The following SYCP2 variants were observed in gnomAD, a reference collection of about 807,000 sequenced individuals.
The protein encoded by SYCP2 is synaptonemal complex protein 2.
Under a neutral mutation model 211.3 loss-of-function variants are expected in SYCP2, and 55 were observed. The ratio of observed to expected loss-of-function variants is 0.26; its 90% CI spans 0.21 to 0.33. The LOEUF (loss-of-function observed/expected upper bound fraction) is 0.33. Ranked by LOEUF, SYCP2 falls within the 10% of genes least tolerant of loss-of-function variation. The pLI, the probability that SYCP2 is intolerant of heterozygous loss-of-function variation, is 1.00. For missense variants in SYCP2, 1,731 were observed against 1,752.0 expected, an observed-to-expected ratio of 0.99 and a Z score of 0.21; for synonymous variants, 570 against 555.2, an observed-to-expected ratio of 1.03 and a Z score of -0.37.
intron 26 of SYCP2, 99 bp downstream of exon 26, chr20:59,885,829 T>C (rs1384381321): frequency 3.3e-6 from 3 of 903,360 alleles, no homozygotes; most frequent in Admixed American, 5.0e-5. Context: ...TCTGAAAACA[T>C]CGTATCAAAT....
intron 12 of SYCP2, among the ~76,000 whole-genome samples, chr20:59,913,124 G>A (rs1362045391): frequency 6.6e-6 from 1 of 152,106 alleles, no homozygotes; most frequent in African/African-American, 2.4e-5. Flanking sequence ...AAGAATACAA[G>A]TGAATAATTA....
At chr20:59,932,994 C>T (rs1389020269) in intron 1 of SYCP2, among the ~76,000 whole-genome samples, 1 of 151,284 alleles carries the variant, frequency 6.6e-6, no homozygotes, top group African/African-American at 2.5e-5. Flanking sequence ...ACCGCCGGCA[C>T]GGTGACCCTT....
Position 59,913,516 on chromosome 20 carries a change from G to A in SYCP2, c.830+459C>T, listed in dbSNP as rs553148156. On this transcript the variant is annotated intron_variant, in intron 12 of 44. Coordinates refer to ENST00000357552, the MANE Select transcript of SYCP2 (RefSeq NM_014258.4). ...ATTACACATCCTTTCATGCCCCTCA[G>A]AAAGATCCTACTTACTGTATGTTAA... 3.9e-5 allele frequency among the ~76,000 whole-genome samples: 6 copies of A among 152,172 alleles called. No homozygotes were observed. The East Asian group carries it at 1.2e-3, about 29-fold the overall frequency.
At chr20:59,868,355 A>G in intron 38 of SYCP2, 58 bp downstream of exon 38, 3 of 1,554,252 alleles carry the variant, frequency 1.9e-6, no homozygotes, top group Non-Finnish European at 2.6e-6. Flanking sequence ...ACTCATTCAA[A>G]ATATAAGAAC....
At chr20:59,901,323 T>C (rs1230147924) in intron 16 of SYCP2, among the ~76,000 whole-genome samples, 2 of 152,146 alleles carry the variant, frequency 1.3e-5, no homozygotes, top group Non-Finnish European at 2.9e-5. Flanking sequence ...ATGTTCCCTA[T>C]GCCATTATTT....
intron 20 of SYCP2, 135 bp downstream of exon 20, chr20:59,895,302 A>G: frequency 1.5e-6 from 1 of 667,896 alleles, no homozygotes; most frequent in Non-Finnish European, 2.4e-6. Context: ...TTCAAGGGCA[A>G]TAAATATTTA....
At chr20:59,883,067 G>C (rs1402118346) in intron 26 of SYCP2, among the ~76,000 whole-genome samples, 1 of 151,768 alleles carries the variant, frequency 6.6e-6, no homozygotes, top group Non-Finnish European at 1.5e-5. Flanking sequence ...GCATTCCTAG[G>C]GCTGGGCACA....
chr20:59,916,676 A>T (rs547064985), intron 7 of SYCP2, 105 bp from the exon 8 acceptor site: 1 of 742,098 alleles, frequency 1.3e-6, no homozygotes, highest in Non-Finnish European at 2.3e-6. Flanking sequence ...ATGGTAACTC[A>T]GGCCTATAAT....
In SYCP2 at chr20:59,927,291, T is replaced by C. The variant is rs1773223061; in HGVS notation, c.-47+4771A>G. ...TGCAACCTTAATGTTCCCTGAGATG[T>C]TCAAAACAGAAAATCTTTACATTCA... On this transcript the variant is annotated intron_variant, in intron 2 of 44. Transcript: ENST00000357552. Among the ~76,000 whole-genome samples, 3 of 152,268 alleles carry C rather than the reference T, an allele frequency of 2.0e-5. No individual in the cohort carries two copies. In the South Asian group the frequency reaches 6.2e-4, roughly 32 times the overall value.
intron 28 of SYCP2, 46 bp downstream of exon 28, chr20:59,881,899 A>G (rs2059691118): frequency 2.0e-6 from 3 of 1,473,996 alleles, no homozygotes; most frequent in East Asian, 2.3e-5. Flanking sequence ...GGTAAATGCA[A>G]TGTAACTTCT....
chr20:59,868,198 T>A (rs532144846), intron 38 of SYCP2, among the ~76,000 whole-genome samples: 1 of 151,898 alleles, frequency 6.6e-6, no homozygotes, highest in East Asian at 1.9e-4. Flanking sequence ...CTAAATGTGA[T>A]AGTAAGTGAC....
intron 7 of SYCP2, among the ~76,000 whole-genome samples, chr20:59,918,396 C>T (rs1166292977): frequency 6.6e-6 from 1 of 152,206 alleles, no homozygotes; most frequent in African/African-American, 2.4e-5. Context: ...AGCAACATCT[C>T]CATTTCCACA....
intron 37 of SYCP2, 26 bp downstream of exon 37, chr20:59,868,809 T>TA (rs748628801): frequency 6.4e-7 from 1 of 1,565,728 alleles, no homozygotes; most frequent in Non-Finnish European, 8.7e-7. Context: ...AATCATTTTT[T>TA]AAAAAGCAAG....
chr20:59,915,734 C>A, intron 8 of SYCP2, 184 bp from the exon 9 acceptor site: 1 of 432,318 alleles, frequency 2.3e-6, no homozygotes, highest in East Asian at 4.0e-5. Flanking sequence ...TGGTGGCTCA[C>A]TATAATACCA....
rs552390942 is a variant in SYCP2, at chr20:59,930,627, A to G, written c.-47+1435T>C. 1.2e-3 allele frequency among the ~76,000 whole-genome samples: 183 copies of G among 152,350 alleles called. 1 individual carries two copies. Among genetic ancestry groups the G allele is most frequent in the African/African-American group, 4.2e-3 (174 of 41,582 alleles). On this transcript the variant is annotated intron_variant, in intron 2 of 44. Transcript: ENST00000357552. ...AGTAGTAAGCAATCTATATTAATAT[A>G]TATGTAGATCTAGACATGAACTACG...
In SYCP2 at chr20:59,881,408, G is replaced by C. The variant is rs1166941771; in HGVS notation, c.2714+29C>G. ...ATATTTAAGAGAAAAAAAAAGATCA[G>C]AATATTTTAATCTAATAAAAATACC... On this transcript the variant is annotated intron_variant, in intron 29 of 44. Transcript: ENST00000357552. 9 of 1,226,790 alleles carry C rather than the reference G, an allele frequency of 7.3e-6. No individual in the cohort carries two copies. The East Asian group carries it at 2.1e-4, about 29-fold the overall frequency. 76.0% of individuals were successfully genotyped at this position (1,226,790 alleles called of 1,614,324 possible).
intron 15 of SYCP2, among the ~76,000 whole-genome samples, chr20:59,902,025 A>G (rs1855492568): frequency 6.6e-6 from 1 of 152,138 alleles, no homozygotes; most frequent in African/African-American, 2.4e-5. Flanking sequence ...TCTATAAAAT[A>G]CAGGATATGG....
Position 59,866,587 on chromosome 20 carries a change from G to A in SYCP2, c.4128C>T (p.Ile1376=). 1 of 1,585,708 alleles carries A rather than the reference G, an allele frequency of 6.3e-7. No individual in the cohort carries two copies. Among genetic ancestry groups the A allele is most frequent in the East Asian group, 2.3e-5 (1 of 44,192 alleles). ...TAAAATAACTCAACATTTTATGTCG[G>A]ATCTGAAAAATACTCATTTTTAAGT... ...LNSEFKRRNN[I]RHKMLSYFTT... The change falls in exon 40 of 45, where the codon ATC becomes ATT. Residue 1376 remains isoleucine (I), a splice_region_variant and synonymous_variant. Coordinates refer to ENST00000357552, the MANE Select transcript of SYCP2 (RefSeq NM_014258.4).
chr20:59,881,562 TA>T, intron 28 of SYCP2, 70 bp from the exon 29 acceptor site: 1 of 757,670 alleles, frequency 1.3e-6, no homozygotes, highest in Non-Finnish European at 2.0e-6. Context: ...GGAATAAACA[TA>T]AAATCTAGTT....
Sources: gnomAD v4.1 joint callset for allele counts (sites outside exome capture counted in the v4.1 genomes callset) on GRCh38, gnomAD v4.1.1 for gene constraint, MANE v1.5 for transcripts, NCBI Gene and HGNC (gene_info 2026-07-23, HGNC 2026-07-21) for gene names.